Variants in TTC39C observed in about 807,000 individuals in gnomAD.
TTC39C encodes tetratricopeptide repeat protein 39C.
TTC39C carries 33 observed loss-of-function variants against 76.3 expected under a neutral mutation model. The ratio of observed to expected loss-of-function variants is 0.43; its 90% CI spans 0.33 to 0.58. The LOEUF is 0.58. TTC39C is among the 20% of genes least tolerant of loss of function. The probability of loss-of-function intolerance (pLI) is 0.04; values close to 1 mark genes in which losing one functional copy is unlikely to be tolerated. For synonymous variants in TTC39C, 254 were observed against 260.6 expected (o/e 0.97, Z 0.24); for missense variants, 595 against 701.4 (o/e 0.85, Z 1.71).
At chr18:24,053,863 C>T (rs2083983072) in intron 1 of TTC39C, among the ~76,000 whole-genome samples, 2 of 152,128 alleles carry the variant, frequency 1.3e-5, no homozygotes, top group African/African-American at 4.8e-5. Flanking sequence ...TATCAGACTC[C>T]TTATTATAAA....
chr18:24,011,470 A>G (rs2083393070), upstream of TTC39C, among the ~76,000 whole-genome samples: 1 of 152,236 alleles, frequency 6.6e-6, no homozygotes, highest in Admixed American at 6.5e-5. Context: ...GAATAGAGCC[A>G]ATAAACACCA....
chr18:24,081,679 C>CT (rs1299299360), intron 5 of TTC39C, among the ~76,000 whole-genome samples: 1 of 152,132 alleles, frequency 6.6e-6, no homozygotes, highest in East Asian at 1.9e-4. Context: ...TCTATTTCTA[C>CT]TTGTATCAGT....
At chr18:24,070,673 G>A (rs1281706293) in intron 4 of TTC39C, among the ~76,000 whole-genome samples, 4 of 151,852 alleles carry the variant, frequency 2.6e-5, no homozygotes, top group African/African-American at 7.3e-5. Flanking sequence ...GTGAAACCCC[G>A]TCTCTACTAA....
intron 4 of TTC39C, among the ~76,000 whole-genome samples, chr18:24,071,431 G>C (rs2084240608): frequency 6.6e-6 from 1 of 152,148 alleles, no homozygotes; most frequent in African/African-American, 2.4e-5. Flanking sequence ...CTAAATATTA[G>C]TATGGAATAT....
chr18:24,064,725 A>T, intron 2 of TTC39C, among the ~76,000 whole-genome samples: 1 of 152,170 alleles, frequency 6.6e-6, no homozygotes, highest in East Asian at 1.9e-4. Flanking sequence ...CAAACACATA[A>T]TTTTTTTAAA....
intron 1 of TTC39C, among the ~76,000 whole-genome samples, chr18:24,058,786 G>T (rs947083508): frequency 2.6e-5 from 4 of 152,146 alleles, no homozygotes; most frequent in Admixed American, 2.6e-4. Flanking sequence ...TCTCACTAAC[G>T]CTTGATATTG....
At chr18:24,045,283 A>AAAAAAAAAAAAAG (rs1555769827) in intron 1 of TTC39C, among the ~76,000 whole-genome samples, 1 of 150,810 alleles carries the variant, frequency 6.6e-6, no homozygotes. Context: ...AAAAAAAAAA[A>AAAAAAAAAAAAAG]GCATGTAGCG....
chr18:24,031,249 C>T (rs7234016), intron 1 of TTC39C, among the ~76,000 whole-genome samples: 8,850 of 108,350 alleles, frequency 0.082, 442 homozygotes, highest in African/African-American at 0.15. Flanking sequence ...TGAGCCACTG[C>T]GCCTGTCCTC....
intron 1 of TTC39C, among the ~76,000 whole-genome samples, chr18:24,031,128 T>G (rs532285128): frequency 1.3e-5 from 2 of 149,478 alleles, no homozygotes; most frequent in South Asian, 2.1e-4. Context: ...TTTACTTTTT[T>G]TTTTTTTTAA....
chr18:24,122,521 G>A (rs199936856), intron 8 of TTC39C, among the ~76,000 whole-genome samples: 1,590 of 43,802 alleles, frequency 0.036, 3 homozygotes, highest in Middle Eastern at 0.075. Flanking sequence ...AAAAAAAAAA[G>A]AAGAGGGAAC....
intron 1 of TTC39C, among the ~76,000 whole-genome samples, chr18:23,993,291 A>AT (rs1160937032): frequency 2.0e-5 from 3 of 152,190 alleles, no homozygotes; most frequent in Non-Finnish European, 4.4e-5. Flanking sequence ...AATCTCTGCT[A>AT]TTTTTCAACA....
At chr18:24,043,258 A>G (rs1480291210) in intron 1 of TTC39C, among the ~76,000 whole-genome samples, 2 of 152,088 alleles carry the variant, frequency 1.3e-5, no homozygotes, top group Non-Finnish European at 2.9e-5. Flanking sequence ...GCTATTTGGG[A>G]GGCTGAGGTG....
At position 24,133,803 on chromosome 18, in the gene TTC39C, C is replaced by T. The variant is rs1458972817; in HGVS notation, c.*1229C>T. The T allele has an allele frequency of 6.6e-6, 1 of 152,000 alleles. No homozygotes were observed. The highest frequency in any genetic ancestry group is 2.4e-5 in the African/African-American group (1 of 41,374). 9.4% of individuals were successfully genotyped at this position (152,000 alleles called of 1,614,324 possible). A position where few individuals can be genotyped will look rare whatever the true frequency, so the allele number is the denominator to read the frequency against. ...TAAGAATCTCTGCCATAATTTGGCT[C>T]AATGTTTAAGGTTAGATTTTTAAAG... On this transcript the variant is annotated 3_prime_UTR_variant, in exon 14 of 14. Coordinates refer to ENST00000317571, the MANE Select transcript of TTC39C (RefSeq NM_001135993.2).
intron 1 of TTC39C, 199 bp downstream of exon 1, chr18:24,015,237 T>A: frequency 2.1e-6 from 1 of 476,420 alleles, no homozygotes; most frequent in Non-Finnish European, 3.5e-6. Flanking sequence ...TACCCCCGGC[T>A]CCGTTGTCCT....
intron 1 of TTC39C, among the ~76,000 whole-genome samples, chr18:24,050,852 A>G (rs1336952180): frequency 1.4e-5 from 2 of 147,830 alleles, no homozygotes; most frequent in Non-Finnish European, 1.5e-5. Flanking sequence ...AGCCTGGGCA[A>G]CAAGAGCAAA....
intron 4 of TTC39C, 78 bp from the exon 5 acceptor site, chr18:24,080,507 C>T: frequency 9.0e-7 from 1 of 1,116,462 alleles, no homozygotes; most frequent in Non-Finnish European, 1.3e-6. Flanking sequence ...TTTCAGGTTA[C>T]TGTTCAGTAT....
intron 1 of TTC39C, among the ~76,000 whole-genome samples, chr18:24,032,565 G>A (rs992033830): frequency 2.6e-5 from 4 of 152,226 alleles, no homozygotes; most frequent in Non-Finnish European, 2.9e-5. Context: ...TACATTTTAT[G>A]CATAGAGCTT....
chr18:24,128,572 A>G (rs370508119), intron 10 of TTC39C, among the ~76,000 whole-genome samples: 8 of 152,214 alleles, frequency 5.3e-5, no homozygotes, highest in East Asian at 1.9e-4. Context: ...ATTTTCTTGG[A>G]AAACTCCCGT....
intron 6 of TTC39C, among the ~76,000 whole-genome samples, chr18:24,105,859 C>T (rs1020460213): frequency 3.9e-5 from 6 of 152,220 alleles, no homozygotes; most frequent in Middle Eastern, 3.2e-3. Flanking sequence ...AAATTAGAGT[C>T]AGCAGAATTG....
Sources: allele counts gnomAD v4.1 joint callset (sites outside exome capture counted in the v4.1 genomes callset), GRCh38; gene constraint gnomAD v4.1.1; transcripts MANE v1.5; gene names NCBI Gene and HGNC (gene_info 2026-07-23, HGNC 2026-07-21).